Variants in FBXO42 observed in about 807,000 individuals in gnomAD.
FBXO42 encodes F-box protein 42.
A neutral mutation model predicts 71.7 loss-of-function variants in FBXO42; 12 were observed. The observed-to-expected ratio is 0.17, with a 90% CI of 0.11 to 0.27. FBXO42 has a LOEUF of 0.27. Among genes scored for constraint, FBXO42 ranks in the 10% least tolerant of loss-of-function variants. FBXO42 has a pLI of 1.00. For synonymous variants in FBXO42, 325 were observed against 327.5 expected, an observed-to-expected ratio of 0.99 and a Z score of 0.08; for missense variants, 707 against 911.9, an observed-to-expected ratio of 0.78 and a Z score of 2.89.
chr1:16,342,627 G>T (rs1038097517), intron 1 of FBXO42, among the ~76,000 whole-genome samples: 3 of 149,728 alleles, frequency 2.0e-5, no homozygotes, highest in Non-Finnish European at 3.0e-5. Flanking sequence ...CCTCCCTTTT[G>T]TTCCCCTGAC....
At position 16,305,906 on chromosome 1, in the gene FBXO42, C is replaced by G. The variant is rs753649747; in HGVS notation, c.264G>C (p.Gln88His). The G allele has an allele frequency of 2.5e-6, 4 of 1,613,356 alleles. No individual in the cohort carries two copies. The highest frequency in any genetic ancestry group is 3.4e-6 in the Non-Finnish European group (4 of 1,179,444). The change falls in exon 3 of 10, where the codon CAG (glutamine) becomes CAC (histidine). Residue 88 changes from glutamine to histidine, a missense_variant. By Grantham distance (24) the Gln-to-His change is conservative. Around this residue, in one of 5 missense-constraint regions of FBXO42, gnomAD observed 188 missense variants for 230.5 expected, o/e 0.82. Coordinates refer to ENST00000375592, the MANE Select transcript of FBXO42 (RefSeq NM_018994.3). ...CAGCCTTCATGAAACCATGATAACA[C>G]TGATGGGCTACACCTAAGACAGAAA... The part of the protein sequence containing the change: ...WYRLIKGVAH[Q>H]CYHGFMKAVQ...
At chr1:16,310,481 T>C (rs184206175) in intron 2 of FBXO42, among the ~76,000 whole-genome samples, 1 of 152,068 alleles carries the variant, frequency 6.6e-6, no homozygotes, top group Non-Finnish European at 1.5e-5. Context: ...CAGTGAGCCC[T>C]GATCACGCCA....
chr1:16,341,405 G>T (rs1387767014), intron 1 of FBXO42, among the ~76,000 whole-genome samples: 1 of 150,916 alleles, frequency 6.6e-6, no homozygotes, highest in African/African-American at 2.4e-5. Context: ...TTCGAGACCA[G>T]CCTGACCAAC....
intron 4 of FBXO42, chr1:16,292,504 C>T (rs2082089450): frequency 6.6e-6 from 1 of 152,096 alleles, no homozygotes; most frequent in Admixed American, 6.6e-5. Context: ...ACCATGTTGC[C>T]CAGGTGAGTC....
chr1:16,289,977 C>T (rs1346252378), intron 4 of FBXO42, among the ~76,000 whole-genome samples: 1 of 152,192 alleles, frequency 6.6e-6, no homozygotes, highest in Admixed American at 6.6e-5. Context: ...TAATTTATAA[C>T]AATTTGCTTA....
At position 16,336,549 on chromosome 1, in the gene FBXO42, GT is replaced by G. The variant is rs1185904898; in HGVS notation, c.-18+15705del. 4.0e-5 allele frequency among the ~76,000 whole-genome samples: 6 copies of G among 150,670 alleles called. No homozygotes were observed. In the East Asian group the frequency reaches 1.2e-3, roughly 30 times the overall value. On this transcript the variant is annotated intron_variant, in intron 1 of 9. Transcript: ENST00000375592. ...AGTTTTGTATTTTTAGGGGAGAGGGGTTTCACCATGTTGGCCAGGCTGGTCT... is the reference window on the plus strand; with the variant it reads ...AGTTTTGTATTTTTAGGGGAGAGGGGTTCACCATGTTGGCCAGGCTGGTCT...
At position 16,252,396 on chromosome 1, in the gene FBXO42, C is replaced by T. The variant is rs1300895974; in HGVS notation, c.930G>A (p.Lys310=). 6.2e-7 allele frequency: 1 copy of T among 1,613,308 alleles called. No individual in the cohort carries two copies. Among genetic ancestry groups the T allele is most frequent in the African/African-American group, 1.3e-5 (1 of 74,902 alleles). Residue 310 remains lysine (K), a synonymous_variant, in exon 9 of 10, where the codon AAG becomes AAA. Coordinates refer to ENST00000375592, the MANE Select transcript of FBXO42 (RefSeq NM_018994.3). This position sits in a 1 kb window ranked among gnomAD's most constrained non-coding sequence, Gnocchi z 4.4. ...AATGCATGTGCAACAACCAAGCATC[C>T]TTGAATAGCTGTAAGAGAAAAAACC... ...GGCGGPNALF[K]DAWLLHMHSG... is the part of the protein sequence containing the mutation.
At position 16,251,664 on chromosome 1, in the gene FBXO42, C is replaced by T. The variant is rs774332311; in HGVS notation, c.1160G>A (p.Arg387Gln). 13 of 1,614,176 alleles carry T rather than the reference C, an allele frequency of 8.1e-6. No homozygotes were observed. Among genetic ancestry groups the T allele is most frequent in the East Asian group, 4.5e-5 (2 of 44,878 alleles). The change falls in exon 10 of 10, where the codon CGA becomes CAA. Residue 387 changes from arginine to glutamine, a missense_variant. Transcript: ENST00000375592. The surrounding 1 kb of genome is among the most constrained non-coding windows in gnomAD (Gnocchi z 4.5). Reference protein sequence around the residue: ...ATPPALVPETREYRSQSPVRS... With the variant: ...ATPPALVPETQEYRSQSPVRS... ...TACTGGAGACTGAGAGCGGTACTCTCGGGTTTCAGGAACGAGAGCTGGAGG... is the reference window on the plus strand; with the variant it reads ...TACTGGAGACTGAGAGCGGTACTCTTGGGTTTCAGGAACGAGAGCTGGAGG...
chr1:16,249,974 C>A lies in FBXO42; in HGVS notation c.*696G>T, dbSNP rs1193856865. 3.9e-5 allele frequency: 6 copies of A among 152,306 alleles called. No individual in the cohort carries two copies. The highest frequency in any genetic ancestry group is 1.9e-4 in the East Asian group (1 of 5,180). 9.4% of individuals were successfully genotyped at this position (152,306 alleles called of 1,614,324 possible). A position where few individuals can be genotyped will look rare whatever the true frequency, so the allele number is the denominator to read the frequency against. ...GACACAAAATGTTTTCTGAGACACA[C>A]AAGAAGCACTCCAAAGACCAATGGA... On this transcript the variant is annotated 3_prime_UTR_variant, in exon 10 of 10. Coordinates refer to ENST00000375592, the MANE Select transcript of FBXO42 (RefSeq NM_018994.3).
intron 4 of FBXO42, among the ~76,000 whole-genome samples, chr1:16,263,385 T>C (rs903433725): frequency 4.6e-5 from 7 of 151,918 alleles, no homozygotes; most frequent in Non-Finnish European, 1.0e-4. Context: ...CAAGCTTGCA[T>C]TGAGCCAAGA....
chr1:16,251,264 A>G lies in FBXO42; in HGVS notation c.1560T>C (p.Asn520=), dbSNP rs1382216060. 1.5e-5 allele frequency: 24 copies of G among 1,614,156 alleles called. No individual in the cohort carries two copies. The highest frequency in any genetic ancestry group is 4.0e-5 in the African/African-American group (3 of 75,030). Residue 520 remains asparagine, a synonymous_variant, in exon 10 of 10, where the codon AAT becomes AAC. Transcript: ENST00000375592. This position sits in a 1 kb window ranked among gnomAD's most constrained non-coding sequence, Gnocchi z 4.5. ...GTCTCATACTTCCCCCAACTGTCCTATTGTCCATGCCATCCATGGGATTAC... is the reference window on the plus strand; with the variant it reads ...GTCTCATACTTCCCCCAACTGTCCTGTTGTCCATGCCATCCATGGGATTAC... ...SSSNPMDGMD[N]RTVGGSMRHP...
At position 16,248,996 on chromosome 1, in the gene FBXO42, C is replaced by G. The variant is rs1569795349; in HGVS notation, c.*1674G>C. ...GTACACTTAGGCTGCCAGATGCTGG[C>G]TGAAAGCCAGGACCCAGGGCCAGCT... On this transcript the variant is annotated 3_prime_UTR_variant, in exon 10 of 10. Coordinates refer to ENST00000375592, the MANE Select transcript of FBXO42 (RefSeq NM_018994.3). 6.6e-6 allele frequency: 1 copy of G among 152,274 alleles called. No individual in the cohort carries two copies. The highest frequency in any genetic ancestry group is 2.4e-5 in the African/African-American group (1 of 41,476). 9.4% of individuals were successfully genotyped at this position (152,274 alleles called of 1,614,324 possible).
chr1:16,277,723 C>CA (rs552327405), intron 4 of FBXO42, among the ~76,000 whole-genome samples: 18,963 of 101,524 alleles, frequency 0.19, 1,356 homozygotes, highest in Middle Eastern at 0.27. Context: ...GATTCTGTCT[C>CA]AAAAAAAAAA....
chr1:16,302,327 C>A (rs1400386838), intron 3 of FBXO42, among the ~76,000 whole-genome samples: 3 of 152,104 alleles, frequency 2.0e-5, no homozygotes, highest in Non-Finnish European at 2.9e-5. Flanking sequence ...TGTATTAGTC[C>A]ATTTTCACAC....
chr1:16,309,130 C>T (rs1191903513), intron 2 of FBXO42, among the ~76,000 whole-genome samples: 1 of 128,842 alleles, frequency 7.8e-6, no homozygotes, highest in Non-Finnish European at 1.5e-5. Flanking sequence ...TGCTGTGGCG[C>T]GATCTTGGCT....
At position 16,252,961 on chromosome 1, in the gene FBXO42, C is replaced by T; in HGVS notation, c.921+135G>A. ...AAACAAAGGCCAGAAAATACAAAGG[C>T]TATACCCAAAAAGCATTCCTTAAAT... On this transcript the variant is annotated intron_variant, in intron 8 of 9. Coordinates refer to ENST00000375592, the MANE Select transcript of FBXO42 (RefSeq NM_018994.3). The surrounding 1 kb of genome is among the most constrained non-coding windows in gnomAD (Gnocchi z 4.4). The T allele has an allele frequency of 1.5e-6, 1 of 686,384 alleles. No individual in the cohort carries two copies. The allele number at this position is 686,384 out of a possible 1,614,324, so 42.5% of individuals were successfully genotyped here.
chr1:16,330,561 C>A (rs1390113938), intron 1 of FBXO42, among the ~76,000 whole-genome samples: 1 of 152,092 alleles, frequency 6.6e-6, no homozygotes, highest in Admixed American at 6.6e-5. Context: ...GTAATCCCAG[C>A]ACTTTGGGAG....
chr1:16,281,463 T>C (rs2081962333), intron 4 of FBXO42, among the ~76,000 whole-genome samples: 1 of 149,224 alleles, frequency 6.7e-6, no homozygotes, highest in African/African-American at 2.5e-5. Flanking sequence ...CTTTTCTTTT[T>C]CTTTTTTTGT....
rs1384745102 is a variant in FBXO42 at position 16,343,998 on chromosome 1, C to A, written c.-18+8257G>T. Among the ~76,000 whole-genome samples, 7 of 150,368 alleles carry A rather than the reference C, an allele frequency of 4.7e-5. No homozygotes were observed. In the East Asian group the frequency reaches 5.9e-4, roughly 13 times the overall value. ...CAAAAAAAGAAAACTGCAAAGGGAT[C>A]TTTTTTTTATTTTTTTGAAACAGAG... On this transcript the variant is annotated intron_variant, in intron 1 of 9. Coordinates refer to ENST00000375592, the MANE Select transcript of FBXO42 (RefSeq NM_018994.3).
Sources: gnomAD v4.1 joint callset for allele counts (sites outside exome capture counted in the v4.1 genomes callset) on GRCh38, gnomAD v4.1.1 for gene constraint, gnomAD v4.1.1 regional missense constraint, Gnocchi (gnomAD v3.1) non-coding constraint, MANE v1.5 for transcripts, NCBI Gene and HGNC (gene_info 2026-07-23, HGNC 2026-07-21) for gene names.